NUDT18: variants seen among roughly 807,000 people sequenced by gnomAD.
NUDT18 encodes nudix hydrolase 18.
NUDT18 carries 26 observed loss-of-function variants against 27.6 expected under a neutral mutation model. The ratio of observed to expected loss-of-function variants is 0.94; its 90% CI spans 0.69 to 1.31. NUDT18 has a LOEUF of 1.31. Among genes scored for constraint, NUDT18 ranks in the 50% most tolerant of loss-of-function variants. NUDT18 has a pLI of 0.00. For missense variants in NUDT18, 450 were observed against 433.4 expected, an observed-to-expected ratio of 1.04 and a Z score of -0.34; for synonymous variants, 220 against 196.9, an observed-to-expected ratio of 1.12 and a Z score of -0.98.
At chr8:22,109,667 G>A, upstream of NUDT18, 2 of 466,836 alleles carry the variant, frequency 4.3e-6, no homozygotes, top group Non-Finnish European at 8.5e-6. Context: ...AACTCCCCGA[G>A]CGCGCACTGG....
At chr8:22,108,014 T>C in intron 2 of NUDT18, 119 bp from the exon 3 acceptor site, 4 of 1,355,488 alleles carry the variant, frequency 3.0e-6, no homozygotes, top group Non-Finnish European at 3.0e-6. Flanking sequence ...GGCTGGAATC[T>C]GCCCATGCCA....
chr8:22,109,584 C>T (rs1382151107), upstream of NUDT18: 5 of 519,540 alleles, frequency 9.6e-6, no homozygotes, highest in Non-Finnish European at 1.5e-5. Flanking sequence ...CGGAGCCCAG[C>T]GGACCCCGCC....
chr8:22,107,900 G>C lies in NUDT18; in HGVS notation c.377-5C>G, dbSNP rs773304100. On this transcript the variant is annotated splice_region_variant and splice_polypyrimidine_tract_variant and intron_variant, in intron 2 of 2. Coordinates refer to ENST00000611621, the MANE Select transcript of NUDT18 (RefSeq NM_024815.4). ...TGGAAGTCTTGAGAATTCCACCTGG[G>C]GGAGATGTGGGGGATGGGGCAGGGA... is the stretch of plus-strand genomic sequence containing the variant. 5 of 1,563,310 alleles carry C rather than the reference G, an allele frequency of 3.2e-6. No individual in the cohort carries two copies. In the East Asian group the frequency reaches 1.1e-4, roughly 35 times the overall value.
At chr8:22,108,584 C>T (rs1826409465) in intron 1 of NUDT18, among the ~76,000 whole-genome samples, 1 of 152,226 alleles carries the variant, frequency 6.6e-6, no homozygotes, top group African/African-American at 2.4e-5. Context: ...TCCTGGAAGC[C>T]GCTTCAGGGG....
In NUDT18 at chr8:22,107,841, C is replaced by G. The variant is rs781125709; in HGVS notation, c.431G>C (p.Trp144Ser). The change falls in exon 3 of 3, where the codon TGG (tryptophan) becomes TCG (serine). Residue 144 changes from tryptophan to serine, a missense_variant. Physicochemically the swap from Trp to Ser is radical, Grantham distance 177. Transcript: ENST00000611621. Reference sequence around the variant, plus strand: ...AGTGGGCAGGGAGGTCCGTGGGTACCAGGCAGCCTGCAGGGACTCCGCATC... The same window carrying G: ...AGTGGGCAGGGAGGTCCGTGGGTACGAGGCAGCCTGCAGGGACTCCGCATC... ...EADAESLQAAWYPRTSLPTPL... is the reference protein window; with the variant it reads ...EADAESLQAASYPRTSLPTPL... 2 of 1,608,476 alleles carry G rather than the reference C, an allele frequency of 1.2e-6. No individual in the cohort carries two copies. The highest frequency in any genetic ancestry group is 1.7e-6 in the Non-Finnish European group (2 of 1,176,940).
At position 22,107,255 on chromosome 8, in the gene NUDT18, G is replaced by A. The variant is rs1206306963; in HGVS notation, c.*45C>T. ...CCTCAGAGGGAGACAAGTCCGCACT[G>A]GAGGGAGCACGGCTGCCTAGCTCCC... On this transcript the variant is annotated 3_prime_UTR_variant, in exon 3 of 3. Coordinates refer to ENST00000611621, the MANE Select transcript of NUDT18 (RefSeq NM_024815.4). 3 of 1,439,482 alleles carry A rather than the reference G, an allele frequency of 2.1e-6. No homozygotes were observed. Among genetic ancestry groups the A allele is most frequent in the East Asian group, 2.4e-5 (1 of 41,120 alleles). The allele number at this position is 1,439,482 out of a possible 1,614,324, so 89.2% of individuals were successfully genotyped here. A position where few individuals can be genotyped will look rare whatever the true frequency, so the allele number is the denominator to read the frequency against.
At chr8:22,109,879 A>T, upstream of NUDT18, 1 of 387,340 alleles carries the variant, frequency 2.6e-6, no homozygotes, top group Non-Finnish European at 5.3e-6. Context: ...TCATTCCACC[A>T]AAGAGTTATA....
rs769120299 is a variant in NUDT18 at position 22,107,194 on chromosome 8, A to G, written c.*106T>C. The stretch of plus-strand genomic sequence containing the variant: ...ACCAGGAGAGCCGCCCCTGCTCCCA[A>G]TGCAACAAGATCCCTGATCGCCAGC... On this transcript the variant is annotated 3_prime_UTR_variant, in exon 3 of 3. Transcript: ENST00000611621. 1.3e-5 allele frequency: 11 copies of G among 832,998 alleles called. No individual in the cohort carries two copies. Among genetic ancestry groups the G allele is most frequent in the Non-Finnish European group, 2.0e-5 (11 of 537,942 alleles). 51.6% of individuals were successfully genotyped at this position (832,998 alleles called of 1,614,324 possible).
upstream of NUDT18, chr8:22,109,427 A>C: frequency 2.3e-6 from 1 of 434,274 alleles, no homozygotes. Context: ...GAGAACGCGG[A>C]AGCGCACGCG....
At chr8:22,109,040 C>A (rs1194405545) in intron 1 of NUDT18, 99 bp downstream of exon 1, 6 of 947,038 alleles carry the variant, frequency 6.3e-6, no homozygotes, top group Non-Finnish European at 8.6e-6. Context: ...GGAAGCGCCA[C>A]GCACGCGGCA....
Position 22,109,345 on chromosome 8 carries a change from G to A in NUDT18, c.-45C>T. On this transcript the variant is annotated 5_prime_UTR_variant, in exon 1 of 3. Transcript: ENST00000611621. ...CGGGCCGGATCCTCGCAGACCGACT[G>A]AGCCGAGCCGCGGGCTAGAGTGCGC... The A allele has an allele frequency of 1.5e-6, 2 of 1,324,180 alleles. No homozygotes were observed. Among genetic ancestry groups the A allele is most frequent in the Non-Finnish European group, 1.9e-6 (2 of 1,044,466 alleles). 82.0% of individuals were successfully genotyped at this position (1,324,180 alleles called of 1,614,324 possible).
Position 22,106,938 on chromosome 8 carries a change from C to T in NUDT18, c.*362G>A. On this transcript the variant is annotated 3_prime_UTR_variant, in exon 3 of 3. Transcript: ENST00000611621. ...CCTCGGGGGACCTTCCCCAGTGCCC[C>T]TCCATGCTCGAAGGGCCTGGAAGGA... is the stretch of plus-strand genomic sequence containing the variant. 5.1e-6 allele frequency: 1 copy of T among 194,948 alleles called. No individual in the cohort carries two copies. The highest frequency in any genetic ancestry group is 1.0e-5 in the Non-Finnish European group (1 of 95,346). 12.1% of individuals were successfully genotyped at this position (194,948 alleles called of 1,614,324 possible).
Position 22,107,103 on chromosome 8 carries a change from G to T in NUDT18, c.*197C>A. The T allele has an allele frequency of 1.8e-6, 1 of 569,992 alleles. No homozygotes were observed. The highest frequency in any genetic ancestry group is 3.1e-6 in the Non-Finnish European group (1 of 321,708). 35.3% of individuals were successfully genotyped at this position (569,992 alleles called of 1,614,324 possible). On this transcript the variant is annotated 3_prime_UTR_variant, in exon 3 of 3. Coordinates refer to ENST00000611621, the MANE Select transcript of NUDT18 (RefSeq NM_024815.4). Reference sequence around the variant, plus strand: ...TCAGGTCCTGAGCTTTGGACTCCTCGCTTGGTTAAAGGCACTGTCCCTTGT... The same window carrying T: ...TCAGGTCCTGAGCTTTGGACTCCTCTCTTGGTTAAAGGCACTGTCCCTTGT...
chr8:22,107,516 C>T lies in NUDT18; in HGVS notation c.756G>A (p.Lys252=). The part of the protein sequence containing the change: ...LTLHHLVVEI[K]GLLGLQHLGR... ...CCAGGTGCTGCAGTCCAAGCAACCC[C>T]TTGATCTCCACCACCAAGTGGTGCA... The change falls in exon 3 of 3, where the codon AAG becomes AAA. Residue 252 remains lysine (K), a synonymous_variant. Coordinates refer to ENST00000611621, the MANE Select transcript of NUDT18 (RefSeq NM_024815.4). 1 of 1,613,134 alleles carries T rather than the reference C, an allele frequency of 6.2e-7. No homozygotes were observed. Among genetic ancestry groups the T allele is most frequent in the Non-Finnish European group, 8.5e-7 (1 of 1,179,882 alleles).
At chr8:22,109,471 T>C (rs1826432741), upstream of NUDT18, 2 of 556,720 alleles carry the variant, frequency 3.6e-6, no homozygotes, top group Non-Finnish European at 5.7e-6. Flanking sequence ...TGGCCGCTGA[T>C]AGGCTGCGCG....
At position 22,109,396 on chromosome 8, in the gene NUDT18, G is replaced by GGAGCCCGCTCCCAGTCCCTGCT; in HGVS notation, c.-97_-96insAGCAGGGACTGGGAGCGGGCTC. The stretch of plus-strand genomic sequence containing the variant: ...TGCGGAGCCCGCTCCCAGTCCCTGC[G>GGAGCCCGCTCCCAGTCCCTGCT]GCAGCGGGCCGGGAGCTCACGAGAA... On this transcript the variant is annotated 5_prime_UTR_variant, in exon 1 of 3. Transcript: ENST00000611621. 2 of 1,174,194 alleles carry GGAGCCCGCTCCCAGTCCCTGCT rather than the reference G, an allele frequency of 1.7e-6. No individual in the cohort carries two copies. The highest frequency in any genetic ancestry group is 2.2e-6 in the Non-Finnish European group (2 of 905,590). The allele number at this position is 1,174,194 out of a possible 1,614,324, so 72.7% of individuals were successfully genotyped here.
At chr8:22,107,990 G>T (rs1019659897) in intron 2 of NUDT18, 95 bp from the exon 3 acceptor site, 24 of 1,352,264 alleles carry the variant, frequency 1.8e-5, no homozygotes, top group Non-Finnish European at 1.5e-5. Context: ...CAGGAGAGAG[G>T]CCCCCAGCCC....
rs571190865 is a variant in NUDT18, at chr8:22,109,023, A to G, written c.162+116T>C. Reference sequence around the variant, plus strand: ...GCGAGTGGGAGTGGGAGTGCTTTGCAAAACTGGGAAGCGCCACGCACGCGG... The same window carrying G: ...GCGAGTGGGAGTGGGAGTGCTTTGCGAAACTGGGAAGCGCCACGCACGCGG... On this transcript the variant is annotated intron_variant, in intron 1 of 2. Transcript: ENST00000611621. 6.3e-6 allele frequency: 5 copies of G among 790,636 alleles called. No individual in the cohort carries two copies. The African/African-American group carries it at 9.1e-5, about 14-fold the overall frequency. The allele number at this position is 790,636 out of a possible 1,614,324, so 49.0% of individuals were successfully genotyped here. A position where few individuals can be genotyped will look rare whatever the true frequency, so the allele number is the denominator to read the frequency against.
chr8:22,107,870 C>G lies in NUDT18; in HGVS notation c.402G>C (p.Glu134Asp). 1 of 1,591,688 alleles carries G rather than the reference C, an allele frequency of 6.3e-7. No individual in the cohort carries two copies. Among genetic ancestry groups the G allele is most frequent in the Non-Finnish European group, 8.6e-7 (1 of 1,167,374 alleles). The change falls in exon 3 of 3, where the codon GAG becomes GAC. Residue 134 changes from glutamate to aspartate, a missense_variant. By Grantham distance (45) the Glu-to-Asp change is conservative. Coordinates refer to ENST00000611621, the MANE Select transcript of NUDT18 (RefSeq NM_024815.4). ...CAGCCTGCAGGGACTCCGCATCGGC[C>G]TCCTTGGAAGTCTTGAGAATTCCAC... ...PTGGILKTSK[E>D]ADAESLQAAW...
Sources: allele counts gnomAD v4.1 joint callset (sites outside exome capture counted in the v4.1 genomes callset), GRCh38; gene constraint gnomAD v4.1.1; transcripts MANE v1.5; gene names NCBI Gene and HGNC (gene_info 2026-07-23, HGNC 2026-07-21).